Variants in DUSP14 observed in about 807,000 individuals in gnomAD.
DUSP14 encodes the protein dual specificity phosphatase 14, also known as dual specificity protein phosphatase 14.
DUSP14 carries 5 observed loss-of-function variants against 13.2 expected under a neutral mutation model. That is an observed-to-expected ratio of 0.38 (90% CI 0.20 to 0.80). The LOEUF (loss-of-function observed/expected upper bound fraction) is 0.80. DUSP14 is among the 30% of genes least tolerant of loss of function. DUSP14 has a pLI of 0.44. For synonymous variants in DUSP14, 91 were observed against 103.4 expected, an observed-to-expected ratio of 0.88 and a Z score of 0.73; for missense variants, 185 against 264.0, an observed-to-expected ratio of 0.70 and a Z score of 2.07.
At chr17:37,508,766 AATAT>A (rs1207097248) in intron 1 of DUSP14, among the ~76,000 whole-genome samples, 3 of 142,588 alleles carry the variant, frequency 2.1e-5, no homozygotes, top group East Asian at 4.2e-4. Flanking sequence ...TGTATAAATA[AATAT>A]ATATGTATAT....
At chr17:37,490,147 C>A (rs1489552669) in intron 1 of DUSP14, among the ~76,000 whole-genome samples, 189 bp downstream of exon 1, 1 of 150,812 alleles carries the variant, frequency 6.6e-6, no homozygotes, top group Non-Finnish European at 1.5e-5. Flanking sequence ...CGGGGCGGCC[C>A]GCGGAGGAGA....
At chr17:37,495,619 A>G (rs2054058684) in intron 1 of DUSP14, among the ~76,000 whole-genome samples, 1 of 152,048 alleles carries the variant, frequency 6.6e-6, no homozygotes, top group Admixed American at 6.6e-5. Context: ...TGCCTGGGAA[A>G]GTGACCAGTA....
rs1376785405 is a variant in DUSP14, at chr17:37,509,126, TATACACAC to T, written c.-180-1549_-180-1542del. Among the ~76,000 whole-genome samples, 429 of 44,494 alleles carry T rather than the reference TATACACAC, an allele frequency of 9.6e-3. 12 individuals carry two copies. Among genetic ancestry groups the T allele is most frequent in the Non-Finnish European group, 0.013 (347 of 25,778 alleles). The allele number at this position is 44,494 out of a possible 152,430, so 29.2% of individuals were successfully genotyped here. ...ACCCATATATATATATATATATATA[TATACACAC>T]ACACACACACACACACACACACACA... On this transcript the variant is annotated intron_variant, in intron 1 of 2. Transcript: ENST00000617516.
chr17:37,496,274 T>A (rs910427332), intron 1 of DUSP14, among the ~76,000 whole-genome samples: 1 of 152,246 alleles, frequency 6.6e-6, no homozygotes, highest in Non-Finnish European at 1.5e-5. Flanking sequence ...AATTTTCTTC[T>A]ATTAAAAATA....
At chr17:37,495,179 G>T (rs1207292152) in intron 1 of DUSP14, among the ~76,000 whole-genome samples, 2 of 152,144 alleles carry the variant, frequency 1.3e-5, no homozygotes, top group Non-Finnish European at 2.9e-5. Context: ...TCCACCTGTT[G>T]CAGGGCAGGG....
intron 1 of DUSP14, among the ~76,000 whole-genome samples, chr17:37,500,111 T>A (rs955815761): frequency 1.3e-5 from 2 of 152,278 alleles, no homozygotes; most frequent in Non-Finnish European, 2.9e-5. Context: ...AAGACTCAGC[T>A]GTTTACCTCA....
chr17:37,509,296 TA>T (rs1310000449), intron 1 of DUSP14, among the ~76,000 whole-genome samples: 29 of 24,594 alleles, frequency 1.2e-3, no homozygotes, highest in African/African-American at 2.5e-3. Context: ...TATATATATA[TA>T]GTGTGTGTGT....
intron 1 of DUSP14, among the ~76,000 whole-genome samples, chr17:37,507,602 A>C (rs2054146627): frequency 1.3e-5 from 2 of 152,082 alleles, no homozygotes; most frequent in Admixed American, 1.3e-4. Context: ...ATAGGCATGC[A>C]CCACTGCACC....
At chr17:37,507,832 A>G (rs576342324) in intron 1 of DUSP14, among the ~76,000 whole-genome samples, 23 of 152,144 alleles carry the variant, frequency 1.5e-4, no homozygotes, top group Non-Finnish European at 3.2e-4. Context: ...CGTCATCCCC[A>G]GCAGCTTGAA....
chr17:37,498,109 T>C (rs1240826776), intron 1 of DUSP14, among the ~76,000 whole-genome samples: 1 of 152,108 alleles, frequency 6.6e-6, no homozygotes, highest in Admixed American at 6.6e-5. Flanking sequence ...ATATGTTCTA[T>C]GTTTAGGGGA....
rs35019901 is a variant in DUSP14 at position 37,492,238 on chromosome 17, T to TA, written c.-181+2290dup. On this transcript the variant is annotated intron_variant, in intron 1 of 2. Transcript: ENST00000617516. ...AGGTGCTGAATAAAACTTTCCTATT[T>TA]AAAAAAAAAATCTAGGACTACTAGC... Among the ~76,000 whole-genome samples, 23 of 150,670 alleles carry TA rather than the reference T, an allele frequency of 1.5e-4. No individual in the cohort carries two copies. The East Asian group carries it at 1.7e-3, about 11-fold the overall frequency.
At position 37,509,444 on chromosome 17, in the gene DUSP14, C is replaced by A. The variant is rs569697174; in HGVS notation, c.-180-1233C>A. On this transcript the variant is annotated intron_variant, in intron 1 of 2. Transcript: ENST00000617516. Reference sequence around the variant, plus strand: ...CTAGTGATTCTCCTGCCTCAGCCACCCAAGTAGCTGGGATTACAGGTGTGT... The same window carrying A: ...CTAGTGATTCTCCTGCCTCAGCCACACAAGTAGCTGGGATTACAGGTGTGT... 1.4e-4 allele frequency among the ~76,000 whole-genome samples: 21 copies of A among 149,770 alleles called. No individual in the cohort carries two copies. The South Asian group carries it at 1.9e-3, about 14-fold the overall frequency.
chr17:37,488,707 G>A (rs1232123517), upstream of DUSP14, among the ~76,000 whole-genome samples: 4 of 152,290 alleles, frequency 2.6e-5, no homozygotes, highest in East Asian at 7.7e-4. Context: ...CCAGGATTAT[G>A]ATTAAAATTA....
intron 2 of DUSP14, among the ~76,000 whole-genome samples, chr17:37,511,070 G>A (rs1176607414): frequency 6.6e-6 from 1 of 152,044 alleles, no homozygotes; most frequent in Non-Finnish European, 1.5e-5. Flanking sequence ...AGAGGATAGT[G>A]ACGTTCAGAC....
At chr17:37,506,263 T>TC (rs1240819858) in intron 1 of DUSP14, among the ~76,000 whole-genome samples, 175 of 146,980 alleles carry the variant, frequency 1.2e-3, no homozygotes, top group African/African-American at 4.2e-3. Flanking sequence ...AGACTCCATC[T>TC]CCCCCCCGCC....
chr17:37,491,907 C>T (rs1852272220), intron 1 of DUSP14, among the ~76,000 whole-genome samples: 2 of 152,180 alleles, frequency 1.3e-5, no homozygotes, highest in Non-Finnish European at 1.5e-5. Flanking sequence ...GAACCTCTTC[C>T]TCAAAAGTAA....
At chr17:37,509,679 G>T (rs11652399) in intron 1 of DUSP14, among the ~76,000 whole-genome samples, 29,494 of 151,886 alleles carry the variant, frequency 0.19, 3,266 homozygotes, top group East Asian at 0.55. Flanking sequence ...AGTCTAGAGT[G>T]CAAACCATAG....
chr17:37,512,675 C>T lies in DUSP14; in HGVS notation c.403C>T (p.Leu135=). The T allele has an allele frequency of 6.2e-7, 1 of 1,614,052 alleles. No individual in the cohort carries two copies. Among genetic ancestry groups the T allele is most frequent in the Non-Finnish European group, 8.5e-7 (1 of 1,179,968 alleles). The change falls in exon 3 of 3, where the codon CTG becomes TTG. Residue 135 remains leucine (L), a synonymous_variant. Coordinates refer to ENST00000617516, the MANE Select transcript of DUSP14 (RefSeq NM_007026.4). The surrounding 1 kb of genome is among the most constrained non-coding windows in gnomAD (Gnocchi z 4.8). ...GATGAAATTCCACAACGTGTGCCTG[C>T]TGGAGGCGTACAACTGGGTGAAAGC... is the stretch of plus-strand genomic sequence containing the variant. The part of the protein sequence containing the change: ...YLMKFHNVCL[L]EAYNWVKARR...
intron 1 of DUSP14, among the ~76,000 whole-genome samples, chr17:37,503,390 C>T (rs999266188): frequency 2.0e-5 from 3 of 152,196 alleles, no homozygotes; most frequent in Non-Finnish European, 4.4e-5. Flanking sequence ...CATACCACTG[C>T]ACTCCAGCCT....
Sources: allele counts gnomAD v4.1 joint callset (sites outside exome capture counted in the v4.1 genomes callset), GRCh38; gene constraint gnomAD v4.1.1; non-coding constraint Gnocchi (gnomAD v3.1); transcripts MANE v1.5; gene names NCBI Gene and HGNC (gene_info 2026-07-23, HGNC 2026-07-21).